The following RSRC1 variants were observed in gnomAD, a reference collection of about 807,000 sequenced individuals.
The protein encoded by RSRC1 is arginine and serine rich coiled-coil 1.
In RSRC1, 39 loss-of-function variants were observed where a neutral mutation model predicts 49.1. That is an observed-to-expected ratio of 0.79 (90% confidence interval 0.61 to 1.04). The LOEUF (loss-of-function observed/expected upper bound fraction) is 1.04, where lower values mean the gene tolerates loss of function less well. Among genes scored for constraint, RSRC1 ranks in the 50% least tolerant of loss-of-function variants. The probability of loss-of-function intolerance (pLI) is 0.00; values close to 1 mark genes in which losing one functional copy is unlikely to be tolerated. For missense variants in RSRC1, 388 were observed against 402.4 expected (o/e 0.96, Z 0.31); for synonymous variants, 143 against 130.8 (o/e 1.09, Z -0.63).
At chr3:158,377,933 T>A (rs1328847798) in intron 6 of RSRC1, among the ~76,000 whole-genome samples, 1 of 152,180 alleles carries the variant, frequency 6.6e-6, no homozygotes, top group Non-Finnish European at 1.5e-5. Flanking sequence ...AGTGCCGGGA[T>A]TACAGGCATA....
intron 6 of RSRC1, among the ~76,000 whole-genome samples, chr3:158,432,496 A>G (rs1312322105): frequency 2.0e-5 from 3 of 151,538 alleles, no homozygotes; most frequent in East Asian, 2.0e-4. Flanking sequence ...TTGGTGTACT[A>G]TTTTTTTTCC....
intron 1 of RSRC1, among the ~76,000 whole-genome samples, chr3:158,116,513 A>G (rs1714830823): frequency 6.6e-6 from 1 of 152,036 alleles, no homozygotes; most frequent in South Asian, 2.1e-4. Context: ...TTTATTGAGG[A>G]CATTCTTAAT....
intron 3 of RSRC1, among the ~76,000 whole-genome samples, chr3:158,195,764 C>T: frequency 6.6e-6 from 1 of 152,112 alleles, no homozygotes; most frequent in Non-Finnish European, 1.5e-5. Flanking sequence ...AATCCTTTCC[C>T]CATTTCTTGT....
At chr3:158,364,933 C>T (rs997093976) in intron 6 of RSRC1, among the ~76,000 whole-genome samples, 1 of 150,740 alleles carries the variant, frequency 6.6e-6, no homozygotes, top group Non-Finnish European at 1.5e-5. Flanking sequence ...TAATGTGTAC[C>T]TTATAGAGAT....
chr3:158,407,962 A>C (rs1303304684), intron 6 of RSRC1, among the ~76,000 whole-genome samples: 6 of 152,232 alleles, frequency 3.9e-5, no homozygotes, highest in African/African-American at 1.4e-4. Flanking sequence ...AGCTGTTCTG[A>C]ATTCTAATCC....
intron 5 of RSRC1, among the ~76,000 whole-genome samples, chr3:158,314,084 T>A (rs148051823): frequency 7.9e-4 from 120 of 151,864 alleles, no homozygotes; most frequent in Admixed American, 1.5e-3. Flanking sequence ...TATTGAAAAT[T>A]GTTGTTGTTG....
intron 5 of RSRC1, among the ~76,000 whole-genome samples, chr3:158,307,397 G>T (rs1242427792): frequency 6.6e-6 from 1 of 151,810 alleles, no homozygotes; most frequent in East Asian, 1.9e-4. Context: ...GCATATAAAG[G>T]CTTATATTCT....
At chr3:158,414,774 T>G (rs1236367042) in intron 6 of RSRC1, among the ~76,000 whole-genome samples, 2 of 152,074 alleles carry the variant, frequency 1.3e-5, no homozygotes, top group African/African-American at 2.4e-5. Context: ...GGAAGGTTAA[T>G]TATATAGAAA....
intron 4 of RSRC1, chr3:158,225,752 G>A (rs1414439560): frequency 9.2e-6 from 4 of 435,652 alleles, no homozygotes; most frequent in Non-Finnish European, 1.8e-5. Flanking sequence ...ACCTATACAA[G>A]CCCTTAGAAA....
intron 6 of RSRC1, among the ~76,000 whole-genome samples, chr3:158,422,070 T>A (rs1477477806): frequency 6.7e-6 from 1 of 149,948 alleles, no homozygotes; most frequent in African/African-American, 2.5e-5. Flanking sequence ...GTTTTTCTTT[T>A]TTATTATTAT....
chr3:158,277,062 A>G (rs1028494677), intron 4 of RSRC1, among the ~76,000 whole-genome samples: 16 of 152,208 alleles, frequency 1.1e-4, no homozygotes, highest in African/African-American at 3.9e-4. Flanking sequence ...AATTGAAGGT[A>G]TCCTGTAAAC....
intron 6 of RSRC1, among the ~76,000 whole-genome samples, chr3:158,404,986 A>G (rs1734084879): frequency 6.6e-6 from 1 of 152,032 alleles, no homozygotes; most frequent in Admixed American, 6.6e-5. Flanking sequence ...GATTATTGTT[A>G]TACTCTGACT....
intron 4 of RSRC1, among the ~76,000 whole-genome samples, chr3:158,265,208 G>A (rs827108): frequency 0.45 from 68,427 of 152,074 alleles, 15,735 homozygotes; most frequent in East Asian, 0.64. Context: ...CTAATTTCCA[G>A]GGTTTTGCAC....
chr3:158,440,009 T>G (rs888698285), intron 6 of RSRC1, among the ~76,000 whole-genome samples: 21 of 151,158 alleles, frequency 1.4e-4, no homozygotes, highest in Non-Finnish European at 1.2e-4. Context: ...GACAAATACC[T>G]AATGCATGCG....
chr3:158,391,674 A>T (rs12053865), intron 6 of RSRC1, among the ~76,000 whole-genome samples: 33,290 of 152,020 alleles, frequency 0.22, 4,246 homozygotes, highest in Non-Finnish European at 0.29. Context: ...AGGGACTGGG[A>T]GGGTGGTAGA....
At chr3:158,467,626 A>G (rs1407481037) in intron 7 of RSRC1, among the ~76,000 whole-genome samples, 2 of 152,202 alleles carry the variant, frequency 1.3e-5, no homozygotes, top group South Asian at 4.1e-4. Flanking sequence ...CTTACAGTCA[A>G]TTTAGGAAAA....
chr3:158,303,743 G>C (rs1373134070), intron 5 of RSRC1, among the ~76,000 whole-genome samples: 1 of 152,160 alleles, frequency 6.6e-6, no homozygotes, highest in African/African-American at 2.4e-5. Flanking sequence ...TTGGTTGGGT[G>C]TTCATAAACC....
In RSRC1 at chr3:158,481,808, A is replaced by G. The variant is rs973644941; in HGVS notation, c.652+20805A>G. Among the ~76,000 whole-genome samples, 7 of 152,056 alleles carry G rather than the reference A, an allele frequency of 4.6e-5. No homozygotes were observed. In the East Asian group the frequency reaches 1.2e-3, roughly 25 times the overall value. On this transcript the variant is annotated intron_variant, in intron 7 of 9. Coordinates refer to ENST00000611884, the MANE Select transcript of RSRC1 (RefSeq NM_001271838.2). ...TTTCTATACTCTTATTCCATTTTCT[A>G]TTTGGATGAACTCCTCTGCTTTTTG...
intron 5 of RSRC1, among the ~76,000 whole-genome samples, chr3:158,326,882 TATTA>T (rs1381520422): frequency 2.6e-5 from 4 of 152,324 alleles, no homozygotes; most frequent in Admixed American, 2.0e-4. Flanking sequence ...GTTGGTAGGC[TATTA>T]ATTATTGCCT....
Sources: gnomAD v4.1 joint callset for allele counts (sites outside exome capture counted in the v4.1 genomes callset) on GRCh38, gnomAD v4.1.1 for gene constraint, MANE v1.5 for transcripts, NCBI Gene and HGNC (gene_info 2026-07-23, HGNC 2026-07-21) for gene names.